EHD4: variants seen among roughly 807,000 people sequenced by gnomAD.
The protein encoded by EHD4 is EH domain containing 4.
In EHD4, 37 loss-of-function variants were observed where a neutral mutation model predicts 51.0. The ratio of observed to expected loss-of-function variants is 0.73; its 90% confidence interval spans 0.56 to 0.95. EHD4 has a LOEUF of 0.95. EHD4 is among the 40% of genes least tolerant of loss of function. The pLI is 0.00. For synonymous variants in EHD4, 297 were observed against 317.3 expected (o/e 0.94, Z 0.68); for missense variants, 632 against 733.1 (o/e 0.86, Z 1.59).
intron 1 of EHD4, among the ~76,000 whole-genome samples, chr15:41,969,163 G>C (rs1019229852): frequency 1.3e-5 from 2 of 152,162 alleles, no homozygotes; most frequent in Non-Finnish European, 2.9e-5. Flanking sequence ...ATAGTTTCTT[G>C]AGTGACTTCC....
At chr15:41,964,577 G>C (rs2067949291) in intron 1 of EHD4, among the ~76,000 whole-genome samples, 1 of 152,100 alleles carries the variant, frequency 6.6e-6, no homozygotes, top group Admixed American at 6.5e-5. Flanking sequence ...CTGTACTCCA[G>C]CCTGGGCAAC....
intron 3 of EHD4, among the ~76,000 whole-genome samples, chr15:41,920,190 A>C (rs1336469017): frequency 1.3e-5 from 2 of 152,186 alleles, no homozygotes; most frequent in Non-Finnish European, 2.9e-5. Flanking sequence ...TTATCTTTGG[A>C]CTATTTATAA....
chr15:41,916,985 T>C (rs924241221), intron 4 of EHD4, among the ~76,000 whole-genome samples: 23 of 152,366 alleles, frequency 1.5e-4, no homozygotes, highest in African/African-American at 4.8e-4. Context: ...AGCAGCGTTC[T>C]GTGCCTCCAA....
chr15:41,931,103 C>A (rs1484715097), intron 3 of EHD4, among the ~76,000 whole-genome samples: 1 of 152,212 alleles, frequency 6.6e-6, no homozygotes, highest in African/African-American at 2.4e-5. Context: ...TCTAGGAATG[C>A]ATCTTAGAGT....
rs190526454 is a variant in EHD4, at chr15:41,940,109, G to T, written c.511+2958C>A. Among the ~76,000 whole-genome samples the T allele has an allele frequency of 5.9e-5, 9 of 152,236 alleles. No individual in the cohort carries two copies. In the East Asian group the frequency reaches 1.5e-3, roughly 26 times the overall value. ...GCTGGGATTATAGGCGTGAGCCACC[G>T]CGCCCAGCCACTCAGCTTTTGAGGG... On this transcript the variant is annotated intron_variant, in intron 3 of 5. Transcript: ENST00000220325.
In EHD4 at chr15:41,953,890, G is replaced by C. The variant is rs1367840308; in HGVS notation, c.287C>G (p.Thr96Ser). 6.2e-7 allele frequency: 1 copy of C among 1,613,930 alleles called. No individual in the cohort carries two copies. ...FPGMRIGPEPTTDSFIAVMYG... is the reference protein window; with the variant it reads ...FPGMRIGPEPSTDSFIAVMYG... ...CATCACGGCGATGAAGGAGTCTGTG[G>C]TGGGCTCCGGACCAATCCTCATGCC... The change falls in exon 2 of 6, where the codon ACC (threonine) becomes AGC (serine). Residue 96 changes from threonine to serine, a missense_variant. Coordinates refer to ENST00000220325, the MANE Select transcript of EHD4 (RefSeq NM_139265.4).
rs1193793676 is a variant in EHD4, at chr15:41,942,889, T to C, written c.511+178A>G. The C allele has an allele frequency of 5.3e-6, 3 of 569,192 alleles. No individual in the cohort carries two copies. In the East Asian group the frequency reaches 9.0e-5, roughly 17 times the overall value. 35.3% of individuals were successfully genotyped at this position (569,192 alleles called of 1,614,324 possible). On this transcript the variant is annotated intron_variant, in intron 3 of 5. Transcript: ENST00000220325. The stretch of plus-strand genomic sequence containing the variant: ...ATGTCTTTCTCACAGAATATAAGCC[T>C]CTGGAGGGGGCAGAGTCTTTGATGC...
intron 3 of EHD4, among the ~76,000 whole-genome samples, chr15:41,939,125 G>C (rs2067750257): frequency 6.6e-6 from 1 of 152,170 alleles, no homozygotes; most frequent in Non-Finnish European, 1.5e-5. Flanking sequence ...AGGATGTTCT[G>C]AAGAGTGAAC....
intron 3 of EHD4, among the ~76,000 whole-genome samples, chr15:41,934,309 G>GT (rs145906559): frequency 0.068 from 9,559 of 140,272 alleles, 431 homozygotes; most frequent in African/African-American, 0.13. Flanking sequence ...GTGCCAGGAA[G>GT]TTTTTTTTTT....
chr15:41,899,860 T>G lies in EHD4; in HGVS notation c.*785A>C, dbSNP rs532741291. 1 of 152,374 alleles carries G rather than the reference T, an allele frequency of 6.6e-6. No homozygotes were observed. 9.4% of individuals were successfully genotyped at this position (152,374 alleles called of 1,614,324 possible). A position where few individuals can be genotyped will look rare whatever the true frequency, so the allele number is the denominator to read the frequency against. On this transcript the variant is annotated 3_prime_UTR_variant, in exon 6 of 6. Coordinates refer to ENST00000220325, the MANE Select transcript of EHD4 (RefSeq NM_139265.4). Reference sequence around the variant, plus strand: ...AGCTAATTTTCAGGCTTCAATGTGATTTGACATGCAAACGGGAAGTTTTGC... The same window carrying G: ...AGCTAATTTTCAGGCTTCAATGTGAGTTGACATGCAAACGGGAAGTTTTGC...
Position 41,902,103 on chromosome 15 carries a change from G to A in EHD4, c.1090-922C>T, listed in dbSNP as rs2067481425. 2.0e-5 allele frequency among the ~76,000 whole-genome samples: 3 copies of A among 152,202 alleles called. No homozygotes were observed. In the South Asian group the frequency reaches 6.2e-4, roughly 31 times the overall value. On this transcript the variant is annotated intron_variant, in intron 5 of 5. Transcript: ENST00000220325. ...AGGCAGCCTGTCAGCAGACAGAGCA[G>A]CAGAAGCACAGGCTCTAGAGGGGGC...
At chr15:41,927,134 T>C (rs1242734867) in intron 3 of EHD4, among the ~76,000 whole-genome samples, 1 of 152,260 alleles carries the variant, frequency 6.6e-6, no homozygotes, top group Non-Finnish European at 1.5e-5. Context: ...ATACATTTGC[T>C]GACTATAAGA....
intron 4 of EHD4, among the ~76,000 whole-genome samples, chr15:41,917,704 C>T (rs1038893761): frequency 3.9e-5 from 6 of 152,146 alleles, no homozygotes; most frequent in African/African-American, 1.4e-4. Flanking sequence ...GCATTAGGCC[C>T]AGGACAAGGG....
At chr15:41,926,048 T>C (rs1327225682) in intron 3 of EHD4, 1 of 152,218 alleles carries the variant, frequency 6.6e-6, no homozygotes, top group Non-Finnish European at 1.5e-5. Context: ...TTTCTAATTA[T>C]GAGTTTTAAA....
chr15:41,901,303 C>T, intron 5 of EHD4, 122 bp from the exon 6 acceptor site: 1 of 1,047,328 alleles, frequency 9.5e-7, no homozygotes, highest in East Asian at 2.6e-5. Context: ...CTCAGGAGTG[C>T]ACTCTTTGGG....
chr15:41,964,934 GC>G (rs1451608388), intron 1 of EHD4, among the ~76,000 whole-genome samples: 1 of 151,900 alleles, frequency 6.6e-6, no homozygotes, highest in Non-Finnish European at 1.5e-5. Flanking sequence ...ACCATGTCCG[GC>G]TAATTTTTGT....
rs1034645350 is a variant in EHD4, at chr15:41,900,717, G to A, written c.1554C>T (p.Tyr518=). 19 of 1,610,928 alleles carry A rather than the reference G, an allele frequency of 1.2e-5. No individual in the cohort carries two copies. The highest frequency in any genetic ancestry group is 3.3e-5 in the Admixed American group (2 of 60,026). The change falls in exon 6 of 6, where the codon TAC becomes TAT. Residue 518 remains tyrosine (Y), a synonymous_variant. Coordinates refer to ENST00000220325, the MANE Select transcript of EHD4 (RefSeq NM_139265.4). This position sits in a 1 kb window ranked among gnomAD's most constrained non-coding sequence, Gnocchi z 4.8. ...GGGGGGGCAGGCTGCTGGGCAGCTC[G>A]TAGCCGTCGAGCTTGATCTTGATGA... ...KHLIKIKLDG[Y]ELPSSLPPHL...
chr15:41,945,617 G>C (rs1180799864), intron 2 of EHD4, among the ~76,000 whole-genome samples: 1 of 152,216 alleles, frequency 6.6e-6, no homozygotes, highest in Non-Finnish European at 1.5e-5. Context: ...GTGAGGGGCA[G>C]GCAAGAGAAC....
intron 3 of EHD4, among the ~76,000 whole-genome samples, chr15:41,922,537 G>A (rs1037115874): frequency 1.3e-5 from 2 of 152,208 alleles, no homozygotes; most frequent in African/African-American, 4.8e-5. Context: ...AGCTGCGCTC[G>A]CGCCAACCCT....
Sources: gnomAD v4.1 joint callset for allele counts (sites outside exome capture counted in the v4.1 genomes callset) on GRCh38, gnomAD v4.1.1 for gene constraint, Gnocchi (gnomAD v3.1) non-coding constraint, MANE v1.5 for transcripts, NCBI Gene and HGNC (gene_info 2026-07-23, HGNC 2026-07-21) for gene names.